UBR3: variants seen among roughly 807,000 people sequenced by gnomAD.
UBR3 encodes the protein ubiquitin protein ligase E3 component n-recognin 3.
UBR3 carries 85 observed loss-of-function variants against 243.2 expected under a neutral mutation model. The ratio of observed to expected loss-of-function variants is 0.35; its 90% CI spans 0.29 to 0.42. The LOEUF (loss-of-function observed/expected upper bound fraction) is 0.42, where lower values mean the gene tolerates loss of function less well. Among genes scored for constraint, UBR3 ranks in the 10% least tolerant of loss-of-function variants. The pLI is 1.00. For synonymous variants in UBR3, 748 were observed against 799.8 expected (o/e 0.94, Z 1.09); for missense variants, 1,686 against 2,300.8 (o/e 0.73, Z 5.47).
intron 19 of UBR3, among the ~76,000 whole-genome samples, chr2:169,940,587 G>T (rs1431056688): frequency 3.3e-5 from 5 of 152,090 alleles, no homozygotes; most frequent in Non-Finnish European, 7.4e-5. Context: ...GTTGCATGTT[G>T]CCTTTGCCCA....
At chr2:169,958,585 T>G in intron 24 of UBR3, 59 bp downstream of exon 24, 2 of 1,445,330 alleles carry the variant, frequency 1.4e-6, no homozygotes, top group Admixed American at 3.7e-5. Context: ...TTAGGGATGA[T>G]GTAGTCCAGT....
Position 170,007,149 on chromosome 2 carries a change from A to G in UBR3, c.4189A>G (p.Lys1397Glu). 1 of 1,612,348 alleles carries G rather than the reference A, an allele frequency of 6.2e-7. No individual in the cohort carries two copies. Among genetic ancestry groups the G allele is most frequent in the Non-Finnish European group, 8.5e-7 (1 of 1,179,252 alleles). The change falls in exon 28 of 39, where the codon AAG becomes GAG. Residue 1397 changes from lysine to glutamate, a missense_variant. Physicochemically the swap from Lys to Glu is moderately conservative, Grantham distance 56 (BLOSUM62 1). Around this residue, in one of 8 missense-constraint regions of UBR3, gnomAD observed 371 missense variants for 422.5 expected, o/e 0.88. Coordinates refer to ENST00000272793, the MANE Select transcript of UBR3 (RefSeq NM_172070.4). The part of the protein sequence containing the change: ...PSNKSIQDLI[K>E]EVEELQGRPG... ...CAACAAAAGCATACAAGATCTCATA[A>G]AGGAAGTGGAGGAGCTGCAGGGACG...
rs558365140 is a variant in UBR3 at position 169,899,740 on chromosome 2, A to C, written c.1465+3005A>C. Among the ~76,000 whole-genome samples, 7 of 152,254 alleles carry C rather than the reference A, an allele frequency of 4.6e-5. No individual in the cohort carries two copies. In the South Asian group the frequency reaches 1.5e-3, roughly 32 times the overall value. Reference sequence around the variant, plus strand: ...TGTTCAACTCCCACTTATGAGTGAAAACATGCGGTGTTTGGTTTTCTGTCC... The same window carrying C: ...TGTTCAACTCCCACTTATGAGTGAACACATGCGGTGTTTGGTTTTCTGTCC... On this transcript the variant is annotated intron_variant, in intron 8 of 38. Transcript: ENST00000272793.
At chr2:169,859,141 A>C (rs920020200) in intron 1 of UBR3, among the ~76,000 whole-genome samples, 1 of 127,932 alleles carries the variant, frequency 7.8e-6, no homozygotes, top group African/African-American at 3.1e-5. Context: ...GCTGGAGTGC[A>C]GTGGCGTGAT....
chr2:169,898,974 T>C (rs1184558999), intron 8 of UBR3, among the ~76,000 whole-genome samples: 1 of 151,996 alleles, frequency 6.6e-6, no homozygotes, highest in Non-Finnish European at 1.5e-5. Context: ...GTGCTGGGAT[T>C]ACAGGCGTGA....
intron 1 of UBR3, among the ~76,000 whole-genome samples, chr2:169,863,497 A>G (rs1200844557): frequency 1.3e-5 from 2 of 152,190 alleles, no homozygotes; most frequent in African/African-American, 4.8e-5. Context: ...ACTAAGGACT[A>G]TTTAACCTTC....
intron 5 of UBR3, among the ~76,000 whole-genome samples, chr2:169,880,443 A>ATTTCTG (rs1411564975): frequency 9.2e-5 from 14 of 152,232 alleles, no homozygotes; most frequent in Non-Finnish European, 1.9e-4. Context: ...TCTTCAACAC[A>ATTTCTG]GATGCCTTCT....
chr2:169,870,965 T>TAA (rs552094980), intron 1 of UBR3, among the ~76,000 whole-genome samples: 2 of 141,902 alleles, frequency 1.4e-5, no homozygotes, highest in East Asian at 2.0e-4. Context: ...AAACTGTCTT[T>TAA]AAAAAAAAAA....
intron 30 of UBR3, among the ~76,000 whole-genome samples, chr2:170,025,975 G>GCAAC (rs1166622822): frequency 6.6e-6 from 1 of 152,120 alleles, no homozygotes; most frequent in Admixed American, 6.6e-5. Flanking sequence ...GGTGCCTGTT[G>GCAAC]AACATCTGAA....
chr2:169,872,989 A>G (rs73024481), intron 2 of UBR3, among the ~76,000 whole-genome samples: 6,621 of 152,206 alleles, frequency 0.044, 165 homozygotes, highest in Middle Eastern at 0.066. Flanking sequence ...TTAGGTATCT[A>G]TTAAAAGTTC....
chr2:169,955,665 G>A (rs1470109765), intron 23 of UBR3, among the ~76,000 whole-genome samples: 3 of 151,602 alleles, frequency 2.0e-5, no homozygotes, highest in East Asian at 1.9e-4. Flanking sequence ...ATGGTGGTGC[G>A]TGCCTGTAAT....
chr2:170,007,627 G>A (rs1031387762), intron 28 of UBR3, among the ~76,000 whole-genome samples: 8 of 152,104 alleles, frequency 5.3e-5, no homozygotes, highest in Non-Finnish European at 1.2e-4. Context: ...GCGTGGTGGC[G>A]CTGAGACAGA....
intron 11 of UBR3, among the ~76,000 whole-genome samples, chr2:169,916,332 A>G (rs1429209044): frequency 6.6e-6 from 1 of 152,158 alleles, no homozygotes; most frequent in Admixed American, 6.5e-5. Flanking sequence ...ATACATATTT[A>G]TGTATGACCA....
At position 169,926,685 on chromosome 2, in the gene UBR3, T is replaced by G; in HGVS notation, c.2152-7T>G. 6.5e-7 allele frequency: 1 copy of G among 1,542,584 alleles called. No homozygotes were observed. The highest frequency in any genetic ancestry group is 8.7e-7 in the Non-Finnish European group (1 of 1,143,754). ...TGAGAAATAAAGCATTTTGTTTTCT[T>G]TTAAAGGTTTGTGCTTCTAGACTTG... On this transcript the variant is annotated splice_polypyrimidine_tract_variant and splice_region_variant and intron_variant, in intron 14 of 38. Coordinates refer to ENST00000272793, the MANE Select transcript of UBR3 (RefSeq NM_172070.4).
intron 1 of UBR3, among the ~76,000 whole-genome samples, chr2:169,857,078 T>TTTTG (rs2082909823): frequency 4.7e-5 from 6 of 126,896 alleles, no homozygotes; most frequent in East Asian, 2.6e-4. Flanking sequence ...TTTTTTTTTT[T>TTTTG]TTTTTTTTTT....
intron 33 of UBR3, among the ~76,000 whole-genome samples, chr2:170,060,271 A>G (rs1381787977): frequency 6.6e-6 from 1 of 152,130 alleles, no homozygotes; most frequent in Non-Finnish European, 1.5e-5. Flanking sequence ...GCATTTCTTT[A>G]TGTATAAAGA....
In UBR3 at chr2:169,959,753, C is replaced by G. The variant is rs527787822; in HGVS notation, c.3634+1227C>G. On this transcript the variant is annotated intron_variant, in intron 24 of 38. Coordinates refer to ENST00000272793, the MANE Select transcript of UBR3 (RefSeq NM_172070.4). ...AACCAGAGAAGCTGAAAGTACAGTA[C>G]CCGGTCTGAGGCTGAAGGCTGAAAA... is the stretch of plus-strand genomic sequence containing the variant. 1.1e-4 allele frequency among the ~76,000 whole-genome samples: 16 copies of G among 152,076 alleles called. No individual in the cohort carries two copies. In the South Asian group the frequency reaches 3.3e-3, roughly 32 times the overall value.
At chr2:169,840,335 G>C (rs1056812545) in intron 1 of UBR3, among the ~76,000 whole-genome samples, 2 of 152,122 alleles carry the variant, frequency 1.3e-5, no homozygotes, top group African/African-American at 4.8e-5. Flanking sequence ...TTATTTCCTT[G>C]AAATGCATGA....
chr2:169,861,224 TC>T (rs2083077428), intron 1 of UBR3, among the ~76,000 whole-genome samples: 1 of 152,198 alleles, frequency 6.6e-6, no homozygotes. Context: ...GAACAATACT[TC>T]GTATCCAATC....
Sources: allele counts gnomAD v4.1 joint callset (sites outside exome capture counted in the v4.1 genomes callset), GRCh38; gene constraint gnomAD v4.1.1; regional missense constraint gnomAD v4.1.1; transcripts MANE v1.5; gene names NCBI Gene and HGNC (gene_info 2026-07-23, HGNC 2026-07-21).